Variants in HCN1 observed in about 807,000 individuals in gnomAD.
HCN1 encodes the protein potassium/sodium hyperpolarization-activated cyclic nucleotide-gated channel 1.
In HCN1, 13 loss-of-function variants were observed where a neutral mutation model predicts 78.9. The ratio of observed to expected loss-of-function variants is 0.16; its 90% CI spans 0.11 to 0.26. HCN1 has a LOEUF of 0.26. Among genes scored for constraint, HCN1 ranks in the 10% least tolerant of loss-of-function variants. HCN1 has a pLI of 1.00. For synonymous variants in HCN1, 552 were observed against 455.5 expected (o/e 1.21, Z -2.70); for missense variants, 810 against 1,154.3 (o/e 0.70, Z 4.32).
At chr5:45,382,466 C>A (rs1212291146) in intron 4 of HCN1, among the ~76,000 whole-genome samples, 1 of 152,116 alleles carries the variant, frequency 6.6e-6, no homozygotes, top group Non-Finnish European at 1.5e-5. Flanking sequence ...TCTCTAAATT[C>A]TTCATTCCTT....
At chr5:45,355,053 A>G (rs1002108043) in intron 4 of HCN1, among the ~76,000 whole-genome samples, 2 of 151,980 alleles carry the variant, frequency 1.3e-5, no homozygotes, top group Non-Finnish European at 2.9e-5. Flanking sequence ...TTTTATTTTT[A>G]TGAAGCTTAG....
intron 3 of HCN1, among the ~76,000 whole-genome samples, chr5:45,418,732 G>A (rs1740166902): frequency 6.6e-6 from 1 of 152,090 alleles, no homozygotes; most frequent in Admixed American, 6.5e-5. Flanking sequence ...GAAGCAAACA[G>A]TATGCTTAAG....
intron 2 of HCN1, among the ~76,000 whole-genome samples, chr5:45,604,167 T>C (rs1744680142): frequency 6.6e-6 from 1 of 152,114 alleles, no homozygotes; most frequent in Non-Finnish European, 1.5e-5. Flanking sequence ...CTGCCAATAA[T>C]TTTCTAAGTG....
In HCN1 at chr5:45,269,366, CTTA is replaced by C. The variant is rs1443658940; in HGVS notation, c.1619-2116_1619-2114del. Among the ~76,000 whole-genome samples the C allele has an allele frequency of 5.3e-5, 8 of 152,124 alleles. No homozygotes were observed. In the South Asian group the frequency reaches 1.5e-3, roughly 28 times the overall value. ...TTTGTTTTTATTTTTTATCTTTATA[CTTA>C]TTATATTTTCATTTGAATTTATTTT... On this transcript the variant is annotated intron_variant, in intron 6 of 7. Coordinates refer to ENST00000303230, the MANE Select transcript of HCN1 (RefSeq NM_021072.4).
intron 2 of HCN1, among the ~76,000 whole-genome samples, chr5:45,625,880 C>T (rs907730550): frequency 2.6e-5 from 4 of 151,926 alleles, no homozygotes; most frequent in African/African-American, 9.7e-5. Context: ...AATATTAAAT[C>T]TTTGACCTTG....
intron 2 of HCN1, among the ~76,000 whole-genome samples, chr5:45,542,044 A>G (rs1300970505): frequency 6.6e-6 from 1 of 152,138 alleles, no homozygotes; most frequent in East Asian, 1.9e-4. Flanking sequence ...TAATTAATTA[A>G]TATATTTTTC....
At chr5:45,437,680 G>A (rs562232433) in intron 3 of HCN1, among the ~76,000 whole-genome samples, 1 of 152,322 alleles carries the variant, frequency 6.6e-6, no homozygotes, top group East Asian at 1.9e-4. Context: ...TGGCTTGGAA[G>A]CTTCCTTGGC....
At chr5:45,569,325 T>C (rs1254606395) in intron 2 of HCN1, among the ~76,000 whole-genome samples, 2 of 152,188 alleles carry the variant, frequency 1.3e-5, no homozygotes, top group African/African-American at 4.8e-5. Context: ...TGAACCTTGT[T>C]GTAGATAAGG....
chr5:45,484,633 T>C (rs981039750), intron 2 of HCN1, among the ~76,000 whole-genome samples: 2 of 152,114 alleles, frequency 1.3e-5, no homozygotes, highest in Non-Finnish European at 2.9e-5. Context: ...CTAAGACTAG[T>C]GGAGCTGAGA....
rs150903175 is a variant in HCN1 at position 45,433,369 on chromosome 5, G to A, written c.1011+28477C>T. ...GTGTGGAGATTTTGATTTAAAGTCT[G>A]TTTCATCGGAAATTATAATAGCAAT... On this transcript the variant is annotated intron_variant, in intron 3 of 7. Coordinates refer to ENST00000303230, the MANE Select transcript of HCN1 (RefSeq NM_021072.4). Among the ~76,000 whole-genome samples, 260 of 152,074 alleles carry A rather than the reference G, an allele frequency of 1.7e-3. 1 individual carries two copies. Among genetic ancestry groups the A allele is most frequent in the African/African-American group, 6.1e-3 (251 of 41,470 alleles).
rs571993100 is a variant in HCN1 at position 45,480,089 on chromosome 5, C to T, written c.850-18082G>A. The T allele has an allele frequency of 1.2e-3, 188 of 152,706 alleles. 1 individual carries two copies. The highest frequency in any genetic ancestry group is 4.4e-3 in the African/African-American group (183 of 41,572). The allele number at this position is 152,706 out of a possible 1,614,324, so 9.5% of individuals were successfully genotyped here. Reference sequence around the variant, plus strand: ...AATAAGCTCTTCAACGTACTCCTTGCTTATGACAGAGTTATTTGCATATAC... The same window carrying T: ...AATAAGCTCTTCAACGTACTCCTTGTTTATGACAGAGTTATTTGCATATAC... On this transcript the variant is annotated intron_variant, in intron 2 of 7. Coordinates refer to ENST00000303230, the MANE Select transcript of HCN1 (RefSeq NM_021072.4).
chr5:45,567,714 A>G (rs1045560074), intron 2 of HCN1, among the ~76,000 whole-genome samples: 1 of 152,030 alleles, frequency 6.6e-6, no homozygotes, highest in Admixed American at 6.6e-5. Flanking sequence ...CTCATCTAAC[A>G]CAGTGCTTGC....
intron 3 of HCN1, among the ~76,000 whole-genome samples, chr5:45,432,558 G>T (rs922118447): frequency 6.6e-6 from 1 of 151,928 alleles, no homozygotes; most frequent in Non-Finnish European, 1.5e-5. Context: ...TCCTTGTTTT[G>T]TGCCAGTTTT....
At chr5:45,626,026 G>T (rs1246533239) in intron 2 of HCN1, among the ~76,000 whole-genome samples, 1 of 152,156 alleles carries the variant, frequency 6.6e-6, no homozygotes, top group Non-Finnish European at 1.5e-5. Flanking sequence ...ACTCTTTACA[G>T]AGATACTAGC....
intron 2 of HCN1, among the ~76,000 whole-genome samples, chr5:45,513,319 T>C (rs1014263746): frequency 6.6e-6 from 1 of 152,066 alleles, no homozygotes; most frequent in Non-Finnish European, 1.5e-5. Flanking sequence ...TGAGAGCTCA[T>C]AGGAAAGTTA....
chr5:45,323,395 C>A (rs914934735), intron 5 of HCN1, among the ~76,000 whole-genome samples: 1 of 151,562 alleles, frequency 6.6e-6, no homozygotes, highest in South Asian at 2.1e-4. Flanking sequence ...TATATAATTC[C>A]TATTACATCT....
At chr5:45,334,620 C>G (rs1202778196) in intron 5 of HCN1, among the ~76,000 whole-genome samples, 1 of 151,858 alleles carries the variant, frequency 6.6e-6, no homozygotes, top group Non-Finnish European at 1.5e-5. Flanking sequence ...ATTTACTTTC[C>G]CTGTCAAGCC....
rs570677328 is a variant in HCN1 at position 45,616,094 on chromosome 5, ATT to A, written c.849+29089_849+29090del. ...TCTTGAAAAAAAAAAAAAAGATGGC[ATT>A]TTTTTTCCTCCAAAGGCTTTTATGG... On this transcript the variant is annotated intron_variant, in intron 2 of 7. Transcript: ENST00000303230. Among the ~76,000 whole-genome samples, 27 of 151,104 alleles carry A rather than the reference ATT, an allele frequency of 1.8e-4. No homozygotes were observed. In the East Asian group the frequency reaches 4.9e-3, roughly 27 times the overall value.
chr5:45,639,255 G>T (rs1745411251), intron 2 of HCN1, among the ~76,000 whole-genome samples: 1 of 152,132 alleles, frequency 6.6e-6, no homozygotes, highest in Non-Finnish European at 1.5e-5. Flanking sequence ...AGGACACCTA[G>T]TGGTCTTTAG....
Sources: gnomAD v4.1 joint callset for allele counts (sites outside exome capture counted in the v4.1 genomes callset) on GRCh38, gnomAD v4.1.1 for gene constraint, MANE v1.5 for transcripts, NCBI Gene and HGNC (gene_info 2026-07-23, HGNC 2026-07-21) for gene names.